Variants in DGKI observed in about 807,000 individuals in gnomAD.
DGKI encodes diacylglycerol kinase iota, also known as DAG kinase iota.
In DGKI, 55 loss-of-function variants were observed where a neutral mutation model predicts 147.5. That is an observed-to-expected ratio of 0.37 (90% CI 0.30 to 0.47). DGKI has a LOEUF of 0.47. Among genes scored for constraint, DGKI ranks in the 20% least tolerant of loss-of-function variants. The probability of loss-of-function intolerance (pLI) is 1.00; values close to 1 mark genes in which losing one functional copy is unlikely to be tolerated. For synonymous variants in DGKI, 469 were observed against 477.1 expected, an observed-to-expected ratio of 0.98 and a Z score of 0.22; for missense variants, 1,007 against 1,323.8, an observed-to-expected ratio of 0.76 and a Z score of 3.71.
At chr7:137,484,490 C>T (rs1216716036) in intron 23 of DGKI, among the ~76,000 whole-genome samples, 2 of 152,058 alleles carry the variant, frequency 1.3e-5, no homozygotes, top group South Asian at 2.1e-4. Flanking sequence ...TTCCCACATA[C>T]CTTTCCTCTT....
intron 15 of DGKI, among the ~76,000 whole-genome samples, chr7:137,579,264 A>G (rs834097): frequency 0.024 from 3,700 of 152,154 alleles, 159 homozygotes; most frequent in African/African-American, 0.084. Context: ...AAGTCTCACT[A>G]TGAGTTTTCT....
intron 27 of DGKI, among the ~76,000 whole-genome samples, chr7:137,455,476 G>A (rs4728418): frequency 0.27 from 40,704 of 151,860 alleles, 6,697 homozygotes; most frequent in East Asian, 0.45. Flanking sequence ...CAAGAGCTGT[G>A]GGAGGTACTT....
At chr7:137,686,809 G>C (rs976190670) in intron 2 of DGKI, among the ~76,000 whole-genome samples, 1 of 152,136 alleles carries the variant, frequency 6.6e-6, no homozygotes, top group Admixed American at 6.5e-5. Context: ...TTTTGCCAAA[G>C]TATATTTAGG....
chr7:137,506,122 T>C (rs1178794019), intron 21 of DGKI, among the ~76,000 whole-genome samples: 1 of 152,092 alleles, frequency 6.6e-6, no homozygotes, highest in Non-Finnish European at 1.5e-5. Flanking sequence ...CCCAATGGAG[T>C]TGAAAATTAT....
At chr7:137,535,223 A>T (rs1235407962) in intron 20 of DGKI, among the ~76,000 whole-genome samples, 4 of 152,164 alleles carry the variant, frequency 2.6e-5, no homozygotes. Context: ...GTGTTTATAA[A>T]AAGATATATA....
chr7:137,414,941 T>G (rs1812302231), intron 28 of DGKI, among the ~76,000 whole-genome samples: 1 of 152,226 alleles, frequency 6.6e-6, no homozygotes, highest in African/African-American at 2.4e-5. Context: ...TTAAAGTGTT[T>G]TATAAATAGG....
At chr7:137,599,541 A>G (rs1449837902) in intron 11 of DGKI, among the ~76,000 whole-genome samples, 1 of 152,224 alleles carries the variant, frequency 6.6e-6, no homozygotes, top group Non-Finnish European at 1.5e-5. Context: ...TCCTTTCTCA[A>G]TTCACAGATT....
intron 1 of DGKI, among the ~76,000 whole-genome samples, chr7:137,780,833 G>C (rs960517532): frequency 7.9e-5 from 12 of 152,182 alleles, no homozygotes; most frequent in Non-Finnish European, 1.5e-4. Context: ...GACAGTTTTG[G>C]AGGGATTGTT....
At chr7:137,433,281 CCTT>C (rs1212532268) in intron 28 of DGKI, among the ~76,000 whole-genome samples, 4 of 152,242 alleles carry the variant, frequency 2.6e-5, no homozygotes, top group Non-Finnish European at 5.9e-5. Flanking sequence ...CTAAGACTAA[CCTT>C]CTAGGAATCA....
rs141986548 is a variant in DGKI, at chr7:137,690,811, G to T, written c.402-809C>A. ...TCATTGCTGAGCAAAGGGAAGGGAA[G>T]AACGGTTAGAGCATAGTGGTGAGAA... On this transcript the variant is annotated intron_variant, in intron 1 of 32. Transcript: ENST00000614521. Among the ~76,000 whole-genome samples, 39 of 152,146 alleles carry T rather than the reference G, an allele frequency of 2.6e-4. No individual in the cohort carries two copies. The East Asian group carries it at 7.0e-3, about 27-fold the overall frequency.
In DGKI at chr7:137,472,345, T is replaced by A. The variant is rs1434249870; in HGVS notation, c.2374-2726A>T. ...TTATTATATGTATATATACATATAA[T>A]TATTATATGTATATATACATATAAT... On this transcript the variant is annotated intron_variant, in intron 23 of 32. Coordinates refer to ENST00000614521, the MANE Select transcript of DGKI (RefSeq NM_001321708.2). Among the ~76,000 whole-genome samples the A allele has an allele frequency of 9.8e-4, 53 of 54,150 alleles. 7 individuals carry two copies. The highest frequency in any genetic ancestry group is 6.9e-3 in the African/African-American group (45 of 6,478). The allele number at this position is 54,150 out of a possible 152,430, so 35.5% of individuals were successfully genotyped here. A position where few individuals can be genotyped will look rare whatever the true frequency, so the allele number is the denominator to read the frequency against.
intron 22 of DGKI, among the ~76,000 whole-genome samples, chr7:137,485,876 G>A (rs112070284): frequency 0.026 from 3,925 of 152,138 alleles, 59 homozygotes; most frequent in Non-Finnish European, 0.034. Context: ...CTGATAAGTC[G>A]CTTAGCAAAT....
At chr7:137,603,008 A>G (rs937161320) in intron 10 of DGKI, among the ~76,000 whole-genome samples, 1 of 152,168 alleles carries the variant, frequency 6.6e-6, no homozygotes, top group Admixed American at 6.5e-5. Flanking sequence ...CTAAGGAGTA[A>G]AAGAACATTA....
intron 26 of DGKI, among the ~76,000 whole-genome samples, chr7:137,464,616 G>A (rs1814583111): frequency 6.6e-6 from 1 of 152,222 alleles, no homozygotes; most frequent in African/African-American, 2.4e-5. Context: ...ATCAGGCCAT[G>A]CAGCCACTTG....
intron 1 of DGKI, among the ~76,000 whole-genome samples, chr7:137,796,950 A>G (rs1797053291): frequency 1.3e-5 from 2 of 152,238 alleles, no homozygotes; most frequent in Admixed American, 6.5e-5. Context: ...TAGTCTATAC[A>G]TCTAAGAAGC....
chr7:137,681,074 A>C (rs1259440658), intron 2 of DGKI, among the ~76,000 whole-genome samples: 1 of 152,178 alleles, frequency 6.6e-6, no homozygotes, highest in Non-Finnish European at 1.5e-5. Flanking sequence ...TATAGATGTC[A>C]AGGGCTTCAG....
At chr7:137,724,666 G>A (rs1031092885) in intron 1 of DGKI, among the ~76,000 whole-genome samples, 1 of 152,212 alleles carries the variant, frequency 6.6e-6, no homozygotes, top group African/African-American at 2.4e-5. Flanking sequence ...GACATTGACA[G>A]AGGACCAAGT....
chr7:137,836,252 T>G (rs55870816), intron 1 of DGKI, among the ~76,000 whole-genome samples: 1 of 152,212 alleles, frequency 6.6e-6, no homozygotes, highest in Non-Finnish European at 1.5e-5. Context: ...TTTATTTTCC[T>G]AAGAAATTCT....
chr7:137,444,044 T>C (rs1031172194), intron 28 of DGKI, 33 bp downstream of exon 28: 1 of 1,541,570 alleles, frequency 6.5e-7, no homozygotes, highest in Non-Finnish European at 8.8e-7. Flanking sequence ...GTTTCAATCC[T>C]GAATTGGTAT....
Sources: gnomAD v4.1 joint callset for allele counts (sites outside exome capture counted in the v4.1 genomes callset) on GRCh38, gnomAD v4.1.1 for gene constraint, MANE v1.5 for transcripts, NCBI Gene and HGNC (gene_info 2026-07-23, HGNC 2026-07-21) for gene names.